CD46: variants seen among roughly 807,000 people sequenced by gnomAD.
CD46 encodes CD46 molecule.
A neutral mutation model predicts 53.3 loss-of-function variants in CD46; 30 were observed. The ratio of observed to expected loss-of-function variants is 0.56; its 90% CI spans 0.42 to 0.76. CD46 has a LOEUF of 0.76. CD46 is among the 30% of genes least tolerant of loss of function. The pLI is 0.00. For missense variants in CD46, 409 were observed against 463.0 expected, an observed-to-expected ratio of 0.88 and a Z score of 1.07; for synonymous variants, 142 against 152.0, an observed-to-expected ratio of 0.93 and a Z score of 0.48.
rs572312982 is a variant in CD46, at chr1:207,793,083, T to C, written c.*42-436T>C. On this transcript the variant is annotated intron_variant, in intron 12 of 12. Coordinates refer to ENST00000367042, the MANE Select transcript of CD46 (RefSeq NM_172351.3). Reference sequence around the variant, plus strand: ...GTTATTTAGGAGACTCTTAGTGGAATACATGATTTTCTTGACAGTGAGGGG... The same window carrying C: ...GTTATTTAGGAGACTCTTAGTGGAACACATGATTTTCTTGACAGTGAGGGG... Among the ~76,000 whole-genome samples, 5 of 152,342 alleles carry C rather than the reference T, an allele frequency of 3.3e-5. No homozygotes were observed. In the South Asian group the frequency reaches 1.0e-3, roughly 32 times the overall value.
At chr1:207,773,554 A>G (rs1473938271) in intron 8 of CD46, among the ~76,000 whole-genome samples, 1 of 151,842 alleles carries the variant, frequency 6.6e-6, no homozygotes, top group African/African-American at 2.4e-5. Context: ...TTCCCTCTAC[A>G]CACTGCTTTA....
intron 2 of CD46, 108 bp from the exon 3 acceptor site, chr1:207,757,432 A>C: frequency 1.2e-6 from 1 of 810,818 alleles, no homozygotes; most frequent in South Asian, 1.5e-5. Context: ...ATAAGTAAAT[A>C]ATGAAAATTA....
chr1:207,774,412 T>C (rs1046243317), intron 8 of CD46, among the ~76,000 whole-genome samples: 12 of 152,254 alleles, frequency 7.9e-5, no homozygotes, highest in Admixed American at 3.3e-4. Context: ...TGTTTGAATT[T>C]GATCCTGTCA....
At chr1:207,784,256 A>G (rs1659064716) in intron 9 of CD46, among the ~76,000 whole-genome samples, 1 of 152,202 alleles carries the variant, frequency 6.6e-6, no homozygotes, top group Non-Finnish European at 1.5e-5. Context: ...AGAATAATAG[A>G]AATTTATTTA....
At position 207,785,055 on chromosome 1, in the gene CD46, C is replaced by T. The variant is rs767267658; in HGVS notation, c.983-16C>T. ...GATCCATGTGTTCAACATCTTGGAACTGTTTTCTTTCTCAGATGTTTGGGT... is the reference window on the plus strand; with the variant it reads ...GATCCATGTGTTCAACATCTTGGAATTGTTTTCTTTCTCAGATGTTTGGGT... On this transcript the variant is annotated splice_polypyrimidine_tract_variant and intron_variant, in intron 9 of 12. Transcript: ENST00000367042. 1 of 1,608,576 alleles carries T rather than the reference C, an allele frequency of 6.2e-7. No homozygotes were observed.
At chr1:207,762,199 G>T (rs1656292498) in intron 5 of CD46, among the ~76,000 whole-genome samples, 1 of 152,188 alleles carries the variant, frequency 6.6e-6, no homozygotes, top group African/African-American at 2.4e-5. Flanking sequence ...AGGGAGATTA[G>T]AAAGTGTTTT....
intron 4 of CD46, chr1:207,760,066 C>T (rs1571589633): frequency 4.5e-6 from 1 of 223,390 alleles, no homozygotes; most frequent in East Asian, 1.2e-4. Context: ...TTTGAAGAGA[C>T]GGGGTTTTGC....
chr1:207,792,900 A>G (rs539740728), intron 12 of CD46, among the ~76,000 whole-genome samples: 3 of 152,368 alleles, frequency 2.0e-5, no homozygotes, highest in African/African-American at 7.2e-5. Context: ...TAAAGAAAAT[A>G]AAATTATTTT....
At chr1:207,793,006 T>C (rs1659943797) in intron 12 of CD46, among the ~76,000 whole-genome samples, 1 of 152,204 alleles carries the variant, frequency 6.6e-6, no homozygotes, top group African/African-American at 2.4e-5. Flanking sequence ...ACTAGAATAA[T>C]AGGTTTTATA....
chr1:207,770,137 T>A, intron 7 of CD46, 184 bp from the exon 8 acceptor site: 1 of 596,708 alleles, frequency 1.7e-6, no homozygotes, highest in Non-Finnish European at 3.0e-6. Flanking sequence ...AGCATTCTTG[T>A]ACATACATCT....
chr1:207,768,670 C>G (rs1345002111), intron 7 of CD46: 1 of 152,144 alleles, frequency 6.6e-6, no homozygotes, highest in Non-Finnish European at 1.5e-5. Context: ...GTGCTTATGA[C>G]TGGAGAGATT....
At chr1:207,792,082 G>A (rs1142469) in intron 12 of CD46, among the ~76,000 whole-genome samples, 43,759 of 151,940 alleles carry the variant, frequency 0.29, 6,878 homozygotes, top group Admixed American at 0.41. Flanking sequence ...TTGAGACCAG[G>A]TTGGCCAAAA....
chr1:207,783,224 T>C lies in CD46; in HGVS notation c.944-68T>C. Reference sequence around the variant, plus strand: ...AAAATCACCCTATGAGTTTAAAGGATTTTAAGCTTTATATTTAATTCTTTC... The same window carrying C: ...AAAATCACCCTATGAGTTTAAAGGACTTTAAGCTTTATATTTAATTCTTTC... On this transcript the variant is annotated intron_variant, in intron 8 of 12. Transcript: ENST00000367042. 1.1e-6 allele frequency: 1 copy of C among 882,784 alleles called. No homozygotes were observed. Among genetic ancestry groups the C allele is most frequent in the South Asian group, 1.5e-5 (1 of 67,826 alleles). 54.7% of individuals were successfully genotyped at this position (882,784 alleles called of 1,614,324 possible). A position where few individuals can be genotyped will look rare whatever the true frequency, so the allele number is the denominator to read the frequency against.
chr1:207,785,237 A>G (rs1206889036), intron 10 of CD46, 131 bp downstream of exon 10: 12 of 733,102 alleles, frequency 1.6e-5, no homozygotes, highest in Non-Finnish European at 9.5e-6. Context: ...GGAAAACCTG[A>G]CTTTTTATTT....
intron 1 of CD46, among the ~76,000 whole-genome samples, chr1:207,756,307 A>T (rs1655529627): frequency 6.6e-6 from 1 of 152,248 alleles, no homozygotes; most frequent in Non-Finnish European, 1.5e-5. Context: ...CTGAAAAGCA[A>T]CAGACTCATC....
At chr1:207,773,826 G>A (rs1657785897) in intron 8 of CD46, among the ~76,000 whole-genome samples, 2 of 152,196 alleles carry the variant, frequency 1.3e-5, no homozygotes, top group South Asian at 4.1e-4. Context: ...TTTAGAATAA[G>A]TGCGATGTGG....
rs1198064867 is a variant in CD46 at position 207,795,086 on chromosome 1, TACCCGTTTC to T, written c.*1612_*1620del. On this transcript the variant is annotated 3_prime_UTR_variant, in exon 13 of 13. Coordinates refer to ENST00000367042, the MANE Select transcript of CD46 (RefSeq NM_172351.3). ...GAATTAAGCACAGAGTTGAAGTTTA[TACCCGTTTC>T]ACATGCTTTTCAAGAATGTCGCAAT... is the stretch of plus-strand genomic sequence containing the variant. 1 of 152,264 alleles carries T rather than the reference TACCCGTTTC, an allele frequency of 6.6e-6. No individual in the cohort carries two copies. Among genetic ancestry groups the T allele is most frequent in the Non-Finnish European group, 1.5e-5 (1 of 68,044 alleles). The allele number at this position is 152,264 out of a possible 1,614,324, so 9.4% of individuals were successfully genotyped here.
At position 207,761,503 on chromosome 1, in the gene CD46, A is replaced by C. The variant is rs1026145229; in HGVS notation, c.673+57A>C. 7 of 1,421,900 alleles carry C rather than the reference A, an allele frequency of 4.9e-6. No homozygotes were observed. The East Asian group carries it at 1.6e-4, about 32-fold the overall frequency. The allele number at this position is 1,421,900 out of a possible 1,614,324, so 88.1% of individuals were successfully genotyped here. A position where few individuals can be genotyped will look rare whatever the true frequency, so the allele number is the denominator to read the frequency against. Reference sequence around the variant, plus strand: ...GTAAATACTATGGAAACATTTTGTAAATAGTTTCATCTACAGATAAACAAA... The same window carrying C: ...GTAAATACTATGGAAACATTTTGTACATAGTTTCATCTACAGATAAACAAA... On this transcript the variant is annotated intron_variant, in intron 5 of 12. Coordinates refer to ENST00000367042, the MANE Select transcript of CD46 (RefSeq NM_172351.3).
Position 207,793,618 on chromosome 1 carries a change from T to G in CD46, c.*141T>G, listed in dbSNP as rs777227706. 6.3e-7 allele frequency: 1 copy of G among 1,591,606 alleles called. No homozygotes were observed. Among genetic ancestry groups the G allele is most frequent in the Non-Finnish European group, 8.6e-7 (1 of 1,159,712 alleles). On this transcript the variant is annotated 3_prime_UTR_variant, in exon 13 of 13. Coordinates refer to ENST00000367042, the MANE Select transcript of CD46 (RefSeq NM_172351.3). ...TAGATTCCACAACCTGGTTTGCCAG[T>G]TCATCTTTTGACTCTATTAAAATCT...
Sources: allele counts gnomAD v4.1 joint callset (sites outside exome capture counted in the v4.1 genomes callset), GRCh38; gene constraint gnomAD v4.1.1; transcripts MANE v1.5; gene names NCBI Gene and HGNC (gene_info 2026-07-23, HGNC 2026-07-21).